Variants in RERE observed in about 807,000 individuals in gnomAD.
RERE encodes the protein arginine-glutamic acid dipeptide repeats protein.
RERE carries 40 observed loss-of-function variants against 146.1 expected under a neutral mutation model. The ratio of observed to expected loss-of-function variants is 0.27; its 90% CI spans 0.21 to 0.36. The LOEUF is 0.36. Ranked by LOEUF, RERE falls within the 10% of genes least tolerant of loss-of-function variation. The pLI, the probability that RERE is intolerant of heterozygous loss-of-function variation, is 1.00. For synonymous variants in RERE, 1,003 were observed against 866.0 expected, an observed-to-expected ratio of 1.16 and a Z score of -2.78; for missense variants, 1,933 against 2,138.7, an observed-to-expected ratio of 0.90 and a Z score of 1.90.
At chr1:8,717,357 T>C (rs938105737) in intron 1 of RERE, among the ~76,000 whole-genome samples, 5 of 152,222 alleles carry the variant, frequency 3.3e-5, no homozygotes, top group African/African-American at 9.6e-5. Flanking sequence ...TTGTCATCGA[T>C]TGAGAATACT....
chr1:8,361,419 C>T lies in RERE; in HGVS notation c.2088G>A (p.Glu696=). ...CGATGTCTTTGGGGTCACTGCTACC[C>T]TCATCGTTGACGCTGCGACTGTCTG... ...ESSDSRSVND[E]GSSDPKDIDQ... Residue 696 remains glutamate, a synonymous_variant, in exon 18 of 23, where the codon GAG becomes GAA. Transcript: ENST00000400908. 2 of 1,613,908 alleles carry T rather than the reference C, an allele frequency of 1.2e-6. No individual in the cohort carries two copies. The highest frequency in any genetic ancestry group is 1.7e-6 in the Non-Finnish European group (2 of 1,179,924).
chr1:8,697,669 C>T (rs1004085638), intron 1 of RERE, among the ~76,000 whole-genome samples: 1 of 152,138 alleles, frequency 6.6e-6, no homozygotes, highest in African/African-American at 2.4e-5. Flanking sequence ...ATTACAGGCG[C>T]GAGCCACCAC....
chr1:8,365,667 G>T, intron 13 of RERE, 145 bp downstream of exon 13: 1 of 801,764 alleles, frequency 1.2e-6, no homozygotes, highest in Non-Finnish European at 2.0e-6. Context: ...TCTATGTTTA[G>T]GTCAGGCTTC....
At chr1:8,376,600 G>A (rs1202681069) in intron 12 of RERE, among the ~76,000 whole-genome samples, 2 of 152,200 alleles carry the variant, frequency 1.3e-5, no homozygotes, top group African/African-American at 4.8e-5. Context: ...ACCAGCTTCT[G>A]ATACAGGAGA....
Position 8,656,203 on chromosome 1 carries a change from C to T in RERE, c.95G>A (p.Ser32Asn). Reference protein sequence around the residue: ...EREKRDKARESENSRPRRSCT... With the variant: ...EREKRDKARENENSRPRRSCT... ...GCTCCGGCGTGGCCTTGAATTCTCA[C>T]TCTCTCTTGCTTTGTCTCTTTTCTC... The change falls in exon 2 of 23, where the codon AGT (serine) becomes AAT (asparagine). Residue 32 changes from serine (S) to asparagine (N), a missense_variant. Around this residue, in one of 11 missense-constraint regions of RERE, gnomAD observed 107 missense variants for 119.7 expected, o/e 0.89. Coordinates refer to ENST00000400908, the MANE Select transcript of RERE (RefSeq NM_001042681.2). The T allele has an allele frequency of 6.2e-7, 1 of 1,613,852 alleles. No homozygotes were observed. Among genetic ancestry groups the T allele is most frequent in the Non-Finnish European group, 8.5e-7 (1 of 1,179,720 alleles).
At chr1:8,653,586 T>G (rs926619495) in intron 2 of RERE, among the ~76,000 whole-genome samples, 4 of 144,422 alleles carry the variant, frequency 2.8e-5, no homozygotes, top group Non-Finnish European at 6.0e-5. Flanking sequence ...TCCCAGCTAC[T>G]GGGGAGGCTG....
intron 4 of RERE, among the ~76,000 whole-genome samples, chr1:8,610,401 C>G (rs186025665): frequency 1.3e-5 from 2 of 151,652 alleles, no homozygotes; most frequent in African/African-American, 2.4e-5. Context: ...CCAGCCTGGC[C>G]AACATAGTGA....
chr1:8,370,824 G>T (rs939781886), intron 12 of RERE, among the ~76,000 whole-genome samples: 3 of 152,226 alleles, frequency 2.0e-5, no homozygotes, highest in Non-Finnish European at 1.5e-5. Context: ...AACAAAAGCT[G>T]TTGCAGAAAT....
intron 4 of RERE, among the ~76,000 whole-genome samples, chr1:8,588,021 CA>C (rs1271585312): frequency 1.3e-5 from 2 of 152,132 alleles, no homozygotes; most frequent in Admixed American, 6.5e-5. Flanking sequence ...TTACATTCAA[CA>C]AACACACATT....
intron 12 of RERE, among the ~76,000 whole-genome samples, chr1:8,390,217 C>T (rs747558631): frequency 1.3e-5 from 2 of 152,112 alleles, no homozygotes; most frequent in East Asian, 1.9e-4. Context: ...CTGACAAGAA[C>T]GACGGCATAC....
intron 1 of RERE, among the ~76,000 whole-genome samples, chr1:8,811,005 T>A (rs1641796383): frequency 6.6e-6 from 1 of 152,194 alleles, no homozygotes; most frequent in African/African-American, 2.4e-5. Flanking sequence ...CATAACTGAC[T>A]ACGAGTTATG....
chr1:8,521,932 A>C (rs575948233), intron 7 of RERE, among the ~76,000 whole-genome samples: 3 of 152,378 alleles, frequency 2.0e-5, no homozygotes, highest in African/African-American at 7.2e-5. Context: ...AAAATCAAAT[A>C]ATCACAAATA....
intron 1 of RERE, among the ~76,000 whole-genome samples, chr1:8,666,258 T>C (rs1329616094): frequency 1.3e-5 from 2 of 152,190 alleles, no homozygotes; most frequent in African/African-American, 2.4e-5. Flanking sequence ...TTCAAATCCA[T>C]ATTCTCTGAG....
rs141539194 is a variant in RERE at position 8,424,980 on chromosome 1, G to C, written c.1204-2173C>G. On this transcript the variant is annotated intron_variant, in intron 11 of 22. Coordinates refer to ENST00000400908, the MANE Select transcript of RERE (RefSeq NM_001042681.2). ...AGAGGCAGGCAAGGATCCGGTTGCA[G>C]AGAGCCCTTCAGGCCGCACGGAAGA... 1,121 of 152,602 alleles carry C rather than the reference G, an allele frequency of 7.3e-3. 8 individuals carry two copies. The highest frequency in any genetic ancestry group is 0.011 in the Non-Finnish European group (752 of 68,230). The allele number at this position is 152,602 out of a possible 1,614,324, so 9.5% of individuals were successfully genotyped here.
Position 8,358,522 on chromosome 1 carries a change from T to G in RERE, c.4013A>C (p.His1338Pro). The G allele has an allele frequency of 6.3e-7, 1 of 1,597,238 alleles. No homozygotes were observed. The change falls in exon 20 of 23, where the codon CAC (histidine) becomes CCC (proline). Residue 1338 changes from histidine to proline, a missense_variant. By Grantham distance (77) the His-to-Pro change is moderately conservative (BLOSUM62 -2). Transcript: ENST00000400908. ...EVKPPELDPLHPAANPMEHFA... is the reference protein window; with the variant it reads ...EVKPPELDPLPPAANPMEHFA... ...GTGCTCCATGGGGTTGGCGGCTGGG[T>G]GCAGGGGGTCCAGCTCTGGGGGCTT...
At chr1:8,793,174 A>AAAAAAAAAAAAAAAAAAAAG (rs756022312) in intron 1 of RERE, among the ~76,000 whole-genome samples, 4 of 127,056 alleles carry the variant, frequency 3.1e-5, no homozygotes, top group Non-Finnish European at 6.4e-5. Flanking sequence ...AAAAAAAAAA[A>AAAAAAAAAAAAAAAAAAAAG]AAAGAAAGAA....
chr1:8,569,793 G>C (rs1274973227), intron 4 of RERE, among the ~76,000 whole-genome samples: 1 of 152,088 alleles, frequency 6.6e-6, no homozygotes, highest in Non-Finnish European at 1.5e-5. Flanking sequence ...TCTGGAGACT[G>C]AGGCGGTAGG....
intron 1 of RERE, among the ~76,000 whole-genome samples, chr1:8,705,152 T>C (rs1224416957): frequency 1.3e-5 from 2 of 152,348 alleles, no homozygotes; most frequent in East Asian, 3.9e-4. Context: ...TGCCAGTTTA[T>C]AGTGAGTTGG....
intron 11 of RERE, among the ~76,000 whole-genome samples, chr1:8,451,266 A>G (rs1195370303): frequency 6.6e-6 from 1 of 152,172 alleles, no homozygotes; most frequent in Non-Finnish European, 1.5e-5. Flanking sequence ...CCCCGTCTCT[A>G]CTAAAAATAC....
Sources: allele counts gnomAD v4.1 joint callset (sites outside exome capture counted in the v4.1 genomes callset), GRCh38; gene constraint gnomAD v4.1.1; regional missense constraint gnomAD v4.1.1; transcripts MANE v1.5; gene names NCBI Gene and HGNC (gene_info 2026-07-23, HGNC 2026-07-21).